The following MAN2B2 variants were observed in gnomAD, a reference collection of about 807,000 sequenced individuals.
The protein encoded by MAN2B2 is epididymis-specific alpha-mannosidase.
A neutral mutation model predicts 117.1 loss-of-function variants in MAN2B2; 106 were observed. The observed-to-expected ratio is 0.90, with a 90% CI of 0.77 to 1.06. The LOEUF is 1.06. Ranked by LOEUF, MAN2B2 falls within the 50% of genes least tolerant of loss-of-function variation. MAN2B2 has a pLI of 0.00. For synonymous variants in MAN2B2, 544 were observed against 595.1 expected (o/e 0.91, Z 1.25); for missense variants, 1,326 against 1,381.4 (o/e 0.96, Z 0.64).
chr4:6,607,544 G>A (rs763468051), intron 11 of MAN2B2, among the ~76,000 whole-genome samples: 110 of 152,298 alleles, frequency 7.2e-4, no homozygotes, highest in Non-Finnish European at 4.6e-4. Context: ...CATCAGTATC[G>A]TAGCACGTAT....
At chr4:6,600,449 C>T (rs1727282851) in intron 9 of MAN2B2, among the ~76,000 whole-genome samples, 174 bp from the exon 10 acceptor site, 1 of 152,236 alleles carries the variant, frequency 6.6e-6, no homozygotes, top group Non-Finnish European at 1.5e-5. Context: ...ATGTAGCCCA[C>T]GCTGTGTCTG....
At chr4:6,603,489 G>A (rs1229385609) in intron 10 of MAN2B2, among the ~76,000 whole-genome samples, 1 of 152,136 alleles carries the variant, frequency 6.6e-6, no homozygotes, top group African/African-American at 2.4e-5. Context: ...AGTTTGTCCA[G>A]CACAGGGAGA....
rs780472570 is a variant in MAN2B2, at chr4:6,617,448, G to A, written c.2770G>A (p.Gly924Ser). The A allele has an allele frequency of 1.9e-6, 3 of 1,614,150 alleles. No homozygotes were observed. Among genetic ancestry groups the A allele is most frequent in the Non-Finnish European group, 2.5e-6 (3 of 1,180,020 alleles). Residue 924 changes from glycine to serine, a missense_variant, in exon 17 of 19, where the codon GGC becomes AGC. Physicochemically the swap from Gly to Ser is moderately conservative, Grantham distance 56. Coordinates refer to ENST00000285599, the MANE Select transcript of MAN2B2 (RefSeq NM_015274.3). ...GCGGCTCTACCACCTATATGAAGTG[G>A]GCGAGGACCCAGTCCTGTCTCAGCC... ...LLRLYHLYEV[G>S]EDPVLSQPVT... is the part of the protein sequence containing the mutation.
chr4:6,622,235 A>T lies in MAN2B2; in HGVS notation c.*950A>T, dbSNP rs1425596547. 6.6e-6 allele frequency: 1 copy of T among 152,262 alleles called. No homozygotes were observed. Among genetic ancestry groups the T allele is most frequent in the African/African-American group, 2.4e-5 (1 of 41,454 alleles). The allele number at this position is 152,262 out of a possible 1,614,324, so 9.4% of individuals were successfully genotyped here. ...ATGTCCAGAATAGGCAAATCTGTGT[A>T]TCAGAGACAAAGCACATTGGTGGTT... On this transcript the variant is annotated 3_prime_UTR_variant, in exon 19 of 19. Coordinates refer to ENST00000285599, the MANE Select transcript of MAN2B2 (RefSeq NM_015274.3).
At chr4:6,587,266 G>T in intron 4 of MAN2B2, 98 bp downstream of exon 4, 1 of 1,437,280 alleles carries the variant, frequency 7.0e-7, no homozygotes. Context: ...ATGCCGAAGT[G>T]TTCGGAAATT....
chr4:6,588,397 G>T (rs1446968867), intron 4 of MAN2B2, among the ~76,000 whole-genome samples: 2 of 152,128 alleles, frequency 1.3e-5, no homozygotes, highest in African/African-American at 4.8e-5. Context: ...CCACCCTAAT[G>T]ACCTCATTTT....
rs79709383 is a variant in MAN2B2 at position 6,611,296 on chromosome 4, C to A, written c.2563+18C>A. 1.7e-3 allele frequency: 2,611 copies of A among 1,580,318 alleles called. 48 individuals carry two copies. The African/African-American group carries it at 0.031, about 19-fold the overall frequency. Reference sequence around the variant, plus strand: ...CCTCGCTGGTAAAGGGGCACCCTTTCAGAGTAACATCATCACTGCCTCAGC... The same window carrying A: ...CCTCGCTGGTAAAGGGGCACCCTTTAAGAGTAACATCATCACTGCCTCAGC... On this transcript the variant is annotated intron_variant, in intron 15 of 18. Transcript: ENST00000285599.
At chr4:6,592,305 C>T (rs1307489923) in intron 5 of MAN2B2, among the ~76,000 whole-genome samples, 2 of 152,238 alleles carry the variant, frequency 1.3e-5, no homozygotes, top group African/African-American at 4.8e-5. Flanking sequence ...ACCTGCTCCA[C>T]ATTCTACCAG....
chr4:6,591,216 C>T (rs1259598011), intron 5 of MAN2B2, among the ~76,000 whole-genome samples: 1 of 152,174 alleles, frequency 6.6e-6, no homozygotes, highest in Non-Finnish European at 1.5e-5. Flanking sequence ...GAATAAATCG[C>T]TCCTCATCCT....
rs1185223406 is a variant in MAN2B2 at position 6,587,539 on chromosome 4, C to T, written c.564+371C>T. 2.0e-5 allele frequency among the ~76,000 whole-genome samples: 3 copies of T among 152,230 alleles called. No individual in the cohort carries two copies. In the East Asian group the frequency reaches 5.8e-4, roughly 29 times the overall value. On this transcript the variant is annotated intron_variant, in intron 4 of 18. Transcript: ENST00000285599. ...TAGAGGAATGGCAGGGTGTGTTCAG[C>T]TGGGAGAACAGTTACCAGAGACGCT...
chr4:6,618,683 G>A (rs770870829), intron 17 of MAN2B2: 9 of 152,336 alleles, frequency 5.9e-5, no homozygotes, highest in African/African-American at 7.2e-5. Flanking sequence ...GACCTGAGCC[G>A]CCTCATTTCT....
intron 10 of MAN2B2, among the ~76,000 whole-genome samples, chr4:6,603,151 G>T (rs759928978): frequency 1.3e-5 from 2 of 152,180 alleles, no homozygotes; most frequent in Non-Finnish European, 2.9e-5. Flanking sequence ...TTTAATGGAG[G>T]TGCCGATGTT....
At chr4:6,587,195 G>T (rs377752567) in intron 4 of MAN2B2, 27 bp downstream of exon 4, 12 of 1,602,018 alleles carry the variant, frequency 7.5e-6, no homozygotes, top group African/African-American at 6.7e-5. Context: ...GTCTGCTGCC[G>T]CCCAGCGACC....
intron 17 of MAN2B2, chr4:6,618,343 A>T (rs1407599485): frequency 3.3e-5 from 5 of 152,200 alleles, no homozygotes; most frequent in African/African-American, 1.2e-4. Context: ...TGTAATCCAA[A>T]AACAAAACAG....
chr4:6,582,678 C>A (rs1560637471), intron 3 of MAN2B2, among the ~76,000 whole-genome samples: 1 of 151,518 alleles, frequency 6.6e-6, no homozygotes, highest in East Asian at 1.9e-4. Context: ...TGTCTCTCTT[C>A]AAAAAAAAAT....
At chr4:6,596,651 C>T (rs1392482007) in intron 7 of MAN2B2, among the ~76,000 whole-genome samples, 4 of 152,170 alleles carry the variant, frequency 2.6e-5, no homozygotes, top group Non-Finnish European at 4.4e-5. Flanking sequence ...CCTGCTGAAA[C>T]GCATGCCTGT....
chr4:6,595,521 T>A (rs1359480096), intron 7 of MAN2B2, among the ~76,000 whole-genome samples: 1 of 152,190 alleles, frequency 6.6e-6, no homozygotes, highest in Admixed American at 6.5e-5. Flanking sequence ...GAGAGGGCCT[T>A]CTTTCTGCAT....
chr4:6,575,657 T>G (rs1423430737), intron 1 of MAN2B2, among the ~76,000 whole-genome samples: 2 of 151,714 alleles, frequency 1.3e-5, no homozygotes, highest in Non-Finnish European at 2.9e-5. Context: ...CAGGAGAGGG[T>G]GGGGCTGGCT....
intron 7 of MAN2B2, among the ~76,000 whole-genome samples, chr4:6,596,226 G>C (rs573803085): frequency 1.1e-4 from 17 of 152,122 alleles, no homozygotes; most frequent in African/African-American, 3.6e-4. Flanking sequence ...GCATGGTATC[G>C]TGATGACCAC....
Sources: gnomAD v4.1 joint callset for allele counts (sites outside exome capture counted in the v4.1 genomes callset) on GRCh38, gnomAD v4.1.1 for gene constraint, MANE v1.5 for transcripts, NCBI Gene and HGNC (gene_info 2026-07-23, HGNC 2026-07-21) for gene names.